The following DENND6B variants were observed in gnomAD, a reference collection of about 807,000 sequenced individuals.
The protein encoded by DENND6B is DENN domain containing 6B.
DENND6B carries 73 observed loss-of-function variants against 85.1 expected under a neutral mutation model. That is an observed-to-expected ratio of 0.86 (90% CI 0.71 to 1.04). The LOEUF (loss-of-function observed/expected upper bound fraction) is 1.04, where lower values mean the gene tolerates loss of function less well. Ranked by LOEUF, DENND6B falls within the 50% of genes least tolerant of loss-of-function variation. DENND6B has a pLI of 0.00. For missense variants in DENND6B, 715 were observed against 785.8 expected, an observed-to-expected ratio of 0.91 and a Z score of 1.08; for synonymous variants, 357 against 329.3, an observed-to-expected ratio of 1.08 and a Z score of -0.91.
chr22:50,316,328 G>T lies in DENND6B; in HGVS notation c.559+42C>A, dbSNP rs1443949059. The stretch of plus-strand genomic sequence containing the variant: ...GCCGAGCCCACCAGGGGCCACAGCT[G>T]GGATGATGAGACCACGATGGCCACG... On this transcript the variant is annotated intron_variant, in intron 6 of 19. Coordinates refer to ENST00000413817, the MANE Select transcript of DENND6B (RefSeq NM_001001794.4). The T allele has an allele frequency of 5.1e-6, 8 of 1,562,388 alleles. No individual in the cohort carries two copies. The South Asian group carries it at 9.3e-5, about 18-fold the overall frequency.
intron 16 of DENND6B, 28 bp from the exon 17 acceptor site, chr22:50,313,136 T>C: frequency 6.5e-7 from 1 of 1,545,488 alleles, no homozygotes; most frequent in Non-Finnish European, 8.8e-7. Flanking sequence ...AGCCAGCACG[T>C]GGGAACTCGG....
chr22:50,316,308 G>A, intron 6 of DENND6B, 55 bp from the exon 7 acceptor site: 1 of 1,563,540 alleles, frequency 6.4e-7, no homozygotes, highest in Non-Finnish European at 8.7e-7. Context: ...CTGCTGCCGA[G>A]CCCACCAGGG....
chr22:50,311,729 G>T lies in DENND6B; in HGVS notation c.*410C>A. The T allele has an allele frequency of 4.9e-6, 1 of 203,168 alleles. No individual in the cohort carries two copies. The highest frequency in any genetic ancestry group is 1.0e-5 in the Non-Finnish European group (1 of 99,876). 12.6% of individuals were successfully genotyped at this position (203,168 alleles called of 1,614,324 possible). On this transcript the variant is annotated 3_prime_UTR_variant, in exon 20 of 20. Coordinates refer to ENST00000413817, the MANE Select transcript of DENND6B (RefSeq NM_001001794.4). ...CAAGACGGGGGCTGTGTCAGGAGAG[G>T]GTCCCTCCTGTCCTGGGCAGCCTGT... is the stretch of plus-strand genomic sequence containing the variant.
intron 5 of DENND6B, chr22:50,317,045 CG>C: frequency 7.7e-6 from 1 of 130,048 alleles, no homozygotes; most frequent in South Asian, 4.1e-5. Flanking sequence ...GAGGACAGGG[CG>C]GGGGGCCGCG....
rs527674042 is a variant in DENND6B, at chr22:50,325,624, C to T, written c.177+1188G>A. Among the ~76,000 whole-genome samples, 67 of 152,204 alleles carry T rather than the reference C, an allele frequency of 4.4e-4. 1 individual carries two copies. The highest frequency in any genetic ancestry group is 6.8e-3 in the Middle Eastern group (2 of 294). On this transcript the variant is annotated intron_variant, in intron 1 of 19. Coordinates refer to ENST00000413817, the MANE Select transcript of DENND6B (RefSeq NM_001001794.4). ...TGCTGGGATTACAGGCATGAGTCAC[C>T]GCGTCCGGCCAGGAACCTCTTAACT...
chr22:50,318,184 A>G (rs1270036948), intron 3 of DENND6B, among the ~76,000 whole-genome samples, 164 bp from the exon 4 acceptor site: 3 of 152,176 alleles, frequency 2.0e-5, no homozygotes, highest in Admixed American at 2.0e-4. Context: ...TTCTACTAAA[A>G]ATACAAAAAT....
chr22:50,314,747 G>A, intron 10 of DENND6B, 47 bp from the exon 11 acceptor site: 5 of 1,574,808 alleles, frequency 3.2e-6, no homozygotes, highest in Non-Finnish European at 4.3e-6. Flanking sequence ...GGCAGCCCAG[G>A]CACAGCCGCG....
intron 3 of DENND6B, 93 bp downstream of exon 3, chr22:50,318,754 G>A (rs1326762759): frequency 1.9e-6 from 3 of 1,546,076 alleles, no homozygotes; most frequent in African/African-American, 1.4e-5. Context: ...CTGGGCACCG[G>A]GGCAGCCGAG....
At position 50,318,955 on chromosome 22, in the gene DENND6B, CG is replaced by C. The variant is rs1569205186; in HGVS notation, c.216+9del. ...GGGTCCTGTCCATTCCCAAGAGGGC[CG>C]GGACTCACCTCCTTGTCTGTGAGCC... On this transcript the variant is annotated intron_variant, in intron 2 of 19. Coordinates refer to ENST00000413817, the MANE Select transcript of DENND6B (RefSeq NM_001001794.4). 6.2e-7 allele frequency: 1 copy of C among 1,607,748 alleles called. No individual in the cohort carries two copies. The highest frequency in any genetic ancestry group is 2.2e-5 in the East Asian group (1 of 44,652).
chr22:50,314,797 AC>A lies in DENND6B; in HGVS notation c.881+1del, dbSNP rs1569198850. The A allele has an allele frequency of 2.5e-6, 4 of 1,604,180 alleles. No individual in the cohort carries two copies. The highest frequency in any genetic ancestry group is 3.4e-6 in the Non-Finnish European group (4 of 1,176,042). On this transcript the variant is annotated splice_donor_variant, in intron 10 of 19. Coordinates refer to ENST00000413817, the MANE Select transcript of DENND6B (RefSeq NM_001001794.4). LOFTEE classifies it high-confidence loss of function. ...CCAGCCGGGACCGGGCCAAGGCGAT[AC>A]CTGGTCAAGGCCAGCACCATCTCCG...
At chr22:50,317,449 G>A (rs1300423986) in intron 4 of DENND6B, 76 bp from the exon 5 acceptor site, 1 of 1,520,832 alleles carries the variant, frequency 6.6e-7, no homozygotes, top group Non-Finnish European at 9.1e-7. Context: ...GAGTGGCAAG[G>A]AGCATGCAGG....
In DENND6B at chr22:50,313,890, G is replaced by A. The variant is rs756445824; in HGVS notation, c.1139-12C>T. The A allele has an allele frequency of 5.7e-5, 91 of 1,602,966 alleles. No homozygotes were observed. The highest frequency in any genetic ancestry group is 7.6e-5 in the Non-Finnish European group (89 of 1,176,758). ...AGCGGTGTAGAGGCCTGGCGGGAGG[G>A]CACAGCTGGCGCCCCACCCTTCAAG... On this transcript the variant is annotated splice_polypyrimidine_tract_variant and intron_variant, in intron 13 of 19. Coordinates refer to ENST00000413817, the MANE Select transcript of DENND6B (RefSeq NM_001001794.4).
chr22:50,319,807 CT>C (rs1485692250), intron 1 of DENND6B, among the ~76,000 whole-genome samples: 1 of 152,262 alleles, frequency 6.6e-6, no homozygotes, highest in Non-Finnish European at 1.5e-5. Context: ...CACCCTCCCC[CT>C]GCCAGGGCCT....
At chr22:50,314,059 A>T (rs2041694040) in intron 13 of DENND6B, 148 bp downstream of exon 13, 1 of 1,274,254 alleles carries the variant, frequency 7.8e-7, no homozygotes. Flanking sequence ...GAAGAGAGCG[A>T]CCCCTCCCCA....
chr22:50,320,701 G>A (rs1181649074), intron 1 of DENND6B, among the ~76,000 whole-genome samples: 1 of 152,142 alleles, frequency 6.6e-6, no homozygotes, highest in Non-Finnish European at 1.5e-5. Context: ...AGGGGCTGGA[G>A]ATATAGGGCC....
rs770685415 is a variant in DENND6B, at chr22:50,316,009, C to G, written c.702+16G>C. Reference sequence around the variant, plus strand: ...AAGCCCAGCTGTTTCAGCTCCACCTCCGCCTCAGCTCCCACCTCTTGGTCA... The same window carrying G: ...AAGCCCAGCTGTTTCAGCTCCACCTGCGCCTCAGCTCCCACCTCTTGGTCA... On this transcript the variant is annotated intron_variant, in intron 8 of 19. Coordinates refer to ENST00000413817, the MANE Select transcript of DENND6B (RefSeq NM_001001794.4). The G allele has an allele frequency of 1.3e-5, 21 of 1,612,440 alleles. No homozygotes were observed. The African/African-American group carries it at 2.8e-4, about 22-fold the overall frequency.
Position 50,319,118 on chromosome 22 carries a change from G to A in DENND6B, c.178-115C>T, listed in dbSNP as rs192305610. Reference sequence around the variant, plus strand: ...CAGCTGCAGCATCTGTCTGTGGGGCGCAGGTCAGTGCCCAAGGTGCTGGCT... The same window carrying A: ...CAGCTGCAGCATCTGTCTGTGGGGCACAGGTCAGTGCCCAAGGTGCTGGCT... On this transcript the variant is annotated intron_variant, in intron 1 of 19. Transcript: ENST00000413817. The A allele has an allele frequency of 1.2e-3, 1,907 of 1,539,778 alleles. 1 individual carries two copies. The highest frequency in any genetic ancestry group is 1.5e-3 in the Non-Finnish European group (1,738 of 1,146,534).
At chr22:50,321,818 C>T (rs932900529) in intron 1 of DENND6B, among the ~76,000 whole-genome samples, 2 of 151,976 alleles carry the variant, frequency 1.3e-5, no homozygotes, top group Non-Finnish European at 2.9e-5. Flanking sequence ...AGGCGTGCGC[C>T]CCCACACATG....
At chr22:50,326,218 C>T (rs2042185380) in intron 1 of DENND6B, among the ~76,000 whole-genome samples, 1 of 152,262 alleles carries the variant, frequency 6.6e-6, no homozygotes, top group African/African-American at 2.4e-5. Flanking sequence ...GAACAGACCC[C>T]CACGAGCAAG....
Sources: gnomAD v4.1 joint callset for allele counts (sites outside exome capture counted in the v4.1 genomes callset) on GRCh38, gnomAD v4.1.1 for gene constraint, MANE v1.5 for transcripts, NCBI Gene and HGNC (gene_info 2026-07-23, HGNC 2026-07-21) for gene names.